Variants in TONSL observed in about 807,000 individuals in gnomAD.
TONSL encodes the protein tonsoku-like protein.
TONSL carries 112 observed loss-of-function variants against 147.1 expected under a neutral mutation model. The observed-to-expected ratio is 0.76, with a 90% CI of 0.65 to 0.89. The LOEUF (loss-of-function observed/expected upper bound fraction) is 0.89. TONSL is among the 40% of genes least tolerant of loss of function. TONSL has a pLI of 0.00. For synonymous variants in TONSL, 868 were observed against 801.5 expected, an observed-to-expected ratio of 1.08 and a Z score of -1.40; for missense variants, 1,883 against 1,864.6, an observed-to-expected ratio of 1.01 and a Z score of -0.18.
In TONSL at chr8:144,434,272, G is replaced by T; in HGVS notation, c.3093C>A (p.His1031Gln). ...GCTCCACGGCCTGCAGCACCTGTTG[G>T]TGCTCCCCTGCGGGAGGGATGTGAT... ...RACQSLGQGE[H>Q]QQVLQAVELQ... Residue 1031 changes from histidine (H) to glutamine (Q), a missense_variant, in exon 21 of 26, where the codon CAC becomes CAA. By Grantham distance (24) the His-to-Gln change is conservative. Coordinates refer to ENST00000409379, the MANE Select transcript of TONSL (RefSeq NM_013432.5). 2.0e-6 allele frequency: 3 copies of T among 1,508,328 alleles called. No individual in the cohort carries two copies. Among genetic ancestry groups the T allele is most frequent in the Non-Finnish European group, 2.7e-6 (3 of 1,128,200 alleles). 93.4% of individuals were successfully genotyped at this position (1,508,328 alleles called of 1,614,324 possible). A position where few individuals can be genotyped will look rare whatever the true frequency, so the allele number is the denominator to read the frequency against.
chr8:144,436,110 C>G lies in TONSL; in HGVS notation c.2323G>C (p.Gly775Arg), dbSNP rs1310343729. 1 of 1,556,584 alleles carries G rather than the reference C, an allele frequency of 6.4e-7. No homozygotes were observed. Among genetic ancestry groups the G allele is most frequent in the South Asian group, 1.1e-5 (1 of 87,038 alleles). ...GCTGCTTCCCTGTTGCTGGCGGGGC[C>G]AGGCGTCCAGGCTGCCACCCGTTGT... ...TAQRVAAWTP[G>R]PASNREAATA... The change falls in exon 17 of 26, where the codon GGC (glycine) becomes CGC (arginine). Residue 775 changes from glycine to arginine, a missense_variant. Gly to Arg is a moderately radical substitution (Grantham distance 125). Coordinates refer to ENST00000409379, the MANE Select transcript of TONSL (RefSeq NM_013432.5).
chr8:144,439,962 C>G, intron 11 of TONSL, 59 bp downstream of exon 11: 1 of 781,362 alleles, frequency 1.3e-6, no homozygotes, highest in Non-Finnish European at 2.3e-6. Context: ...CACAGCACAC[C>G]CCTCTCCAGC....
rs563008085 is a variant in TONSL at position 144,441,410 on chromosome 8, G to A, written c.866-299C>T. The A allele has an allele frequency of 9.6e-6, 3 of 311,508 alleles. No homozygotes were observed. The South Asian group carries it at 1.5e-4, about 15-fold the overall frequency. The allele number at this position is 311,508 out of a possible 1,614,324, so 19.3% of individuals were successfully genotyped here. Reference sequence around the variant, plus strand: ...GATCGAGACCATCCTGGCTAACATGGTGAAACCTCGTCTCTACTAAAAATA... The same window carrying A: ...GATCGAGACCATCCTGGCTAACATGATGAAACCTCGTCTCTACTAAAAATA... On this transcript the variant is annotated intron_variant, in intron 7 of 25. Coordinates refer to ENST00000409379, the MANE Select transcript of TONSL (RefSeq NM_013432.5).
intron 16 of TONSL, 32 bp from the exon 17 acceptor site, chr8:144,436,450 G>C (rs369810992): frequency 2.9e-5 from 44 of 1,531,786 alleles, no homozygotes; most frequent in Non-Finnish European, 3.8e-5. Flanking sequence ...TTGAGGCAGG[G>C]GCCCGGCACC....
intron 25 of TONSL, 47 bp from the exon 26 acceptor site, chr8:144,429,383 C>T (rs1255231278): frequency 3.0e-6 from 4 of 1,350,930 alleles, no homozygotes; most frequent in Non-Finnish European, 3.8e-6. Context: ...GGGCCGGCGG[C>T]GTCCTGGTGC....
At chr8:144,439,033 C>T (rs1823595958) in intron 11 of TONSL, among the ~76,000 whole-genome samples, 1 of 152,122 alleles carries the variant, frequency 6.6e-6, no homozygotes. Context: ...CTGCCCGAGG[C>T]CCCCTCTGTC....
rs1823570839 is a variant in TONSL, at chr8:144,438,642, A to C, written c.1563+11T>G. On this transcript the variant is annotated intron_variant, in intron 12 of 25. Coordinates refer to ENST00000409379, the MANE Select transcript of TONSL (RefSeq NM_013432.5). ...TGAGCGGGGTGGGTGGGGGCAGGGC[A>C]CTGTCCTCACCTTGCTCCCCTTCCG... The C allele has an allele frequency of 6.2e-7, 1 of 1,612,746 alleles. No individual in the cohort carries two copies.
Position 144,435,902 on chromosome 8 carries a change from C to T in TONSL, c.2531G>A (p.Arg844His), listed in dbSNP as rs200092098. ...DWLELDMPLT[R>H]SRRPRPRGTG... ...GCCCCGGGGGCGGGGCCGGCGGCTGCGGGTCAGGGGCATGTCCAGCTCCAG... is the reference window on the plus strand; with the variant it reads ...GCCCCGGGGGCGGGGCCGGCGGCTGTGGGTCAGGGGCATGTCCAGCTCCAG... The change falls in exon 17 of 26, where the codon CGC (arginine) becomes CAC (histidine). Residue 844 changes from arginine to histidine, a missense_variant. Transcript: ENST00000409379. 417 of 1,593,886 alleles carry T rather than the reference C, an allele frequency of 2.6e-4. 2 individuals carry two copies. In the African/African-American group the frequency reaches 4.9e-3, roughly 19 times the overall value.
rs61732278 is a variant in TONSL at position 144,436,164 on chromosome 8, G to C, written c.2269C>G (p.Gln757Glu). ...GTGGCCGAGCACCGAGGCCTCTTCT[G>C]GGACGGCCGTGCGGGGCCTGCGCTG... The part of the protein sequence containing the change: ...EDSAGPARPS[Q>E]KRPRCSATAQ... The change falls in exon 17 of 26, where the codon CAG becomes GAG. Residue 757 changes from glutamine to glutamate, a missense_variant. Gln to Glu is a conservative substitution (Grantham distance 29). Coordinates refer to ENST00000409379, the MANE Select transcript of TONSL (RefSeq NM_013432.5). 2,001 of 1,574,828 alleles carry C rather than the reference G, an allele frequency of 1.3e-3. 18 individuals are homozygous for C. In the African/African-American group the frequency reaches 0.019, roughly 15 times the overall value.
At chr8:144,442,559 G>T in intron 5 of TONSL, 118 bp downstream of exon 5, 3 of 1,495,734 alleles carry the variant, frequency 2.0e-6, no homozygotes, top group Non-Finnish European at 2.7e-6. Flanking sequence ...GTGAGAGGTG[G>T]GGGGATGAGG....
chr8:144,433,857 C>A, intron 21 of TONSL, 98 bp from the exon 22 acceptor site: 1 of 1,472,808 alleles, frequency 6.8e-7, no homozygotes, highest in Non-Finnish European at 9.0e-7. Flanking sequence ...CCTTGCCTGG[C>A]ATAGCCTATT....
chr8:144,431,458 G>A (rs1554878647), intron 23 of TONSL, among the ~76,000 whole-genome samples: 1 of 152,190 alleles, frequency 6.6e-6, no homozygotes. Context: ...TGGTGGGCAG[G>A]AATTCACAGC....
rs547971248 is a variant in TONSL, at chr8:144,434,580, T to C, written c.3085+231A>G. On this transcript the variant is annotated intron_variant, in intron 20 of 25. Coordinates refer to ENST00000409379, the MANE Select transcript of TONSL (RefSeq NM_013432.5). ...CAGGCCCTCCTCCTTGGGTTTGACT[T>C]TCCAGGCTTTCGGCTGCTTTTTGCC... Among the ~76,000 whole-genome samples, 4 of 152,300 alleles carry C rather than the reference T, an allele frequency of 2.6e-5. No individual in the cohort carries two copies. The East Asian group carries it at 7.7e-4, about 29-fold the overall frequency.
rs753177583 is a variant in TONSL, at chr8:144,436,211, C to G, written c.2222G>C (p.Ser741Thr). The change falls in exon 17 of 26, where the codon AGC becomes ACC. Residue 741 changes from serine to threonine, a missense_variant. Transcript: ENST00000409379. Reference sequence around the variant, plus strand: ...GCTGTCCTCGCCTTCTGAGCTGCTGCTGCTGCTGGCTGGCCCATGCCTGCT... The same window carrying G: ...GCTGTCCTCGCCTTCTGAGCTGCTGGTGCTGCTGGCTGGCCCATGCCTGCT... ...RRSRHGPASS[S>T]SSSEGEDSAG... is the part of the protein sequence containing the mutation. 12 of 1,565,272 alleles carry G rather than the reference C, an allele frequency of 7.7e-6. No individual in the cohort carries two copies. The Admixed American group carries it at 1.9e-4, about 25-fold the overall frequency.
Position 144,435,166 on chromosome 8 carries a change from C to T in TONSL, c.2857G>A (p.Asp953Asn). The part of the protein sequence containing the change: ...LFLIPVPHSS[D>N]THSVAWLAEQ... The stretch of plus-strand genomic sequence containing the variant: ...GCCAGCCAGGCCACAGAGTGGGTGT[C>T]ACTGCTGCAGGGACAGAGGCGCTGC... The change falls in exon 19 of 26, where the codon GAC (aspartate) becomes AAC (asparagine). Residue 953 changes from aspartate to asparagine, a missense_variant. Physicochemically the swap from Asp to Asn is conservative, Grantham distance 23. Transcript: ENST00000409379. The T allele has an allele frequency of 1.3e-6, 2 of 1,548,142 alleles. No homozygotes were observed. The highest frequency in any genetic ancestry group is 2.4e-5 in the South Asian group (2 of 84,246).
intron 13 of TONSL, among the ~76,000 whole-genome samples, chr8:144,438,063 C>T (rs1823547779): frequency 1.3e-5 from 2 of 152,156 alleles, no homozygotes; most frequent in South Asian, 2.1e-4. Flanking sequence ...CCATCACATC[C>T]ACCTAATTTT....
intron 11 of TONSL, 82 bp downstream of exon 11, chr8:144,439,939 G>A (rs1293627132): frequency 2.8e-6 from 2 of 710,536 alleles, no homozygotes; most frequent in African/African-American, 1.8e-5. Context: ...GCCCTAAGCA[G>A]GCTCCACAGC....
chr8:144,433,732 T>A lies in TONSL; in HGVS notation c.3415A>T (p.Asn1139Tyr), dbSNP rs782671784. Reference protein sequence around the residue: ...QSLEELDLSMNPLGDGCGQSL... With the variant: ...QSLEELDLSMYPLGDGCGQSL... ...TGGCCACAGCCGTCCCCCAGGGGGT[T>A]CATGCTTAAGTCCAGCTCCTCCAAA... The change falls in exon 22 of 26, where the codon AAC (asparagine) becomes TAC (tyrosine). Residue 1139 changes from asparagine (N) to tyrosine (Y), a missense_variant. Asn to Tyr is a moderately radical substitution (Grantham distance 143, BLOSUM62 -2). Coordinates refer to ENST00000409379, the MANE Select transcript of TONSL (RefSeq NM_013432.5). The A allele has an allele frequency of 1.9e-6, 3 of 1,597,992 alleles. No homozygotes were observed. The highest frequency in any genetic ancestry group is 2.6e-6 in the Non-Finnish European group (3 of 1,172,996).
chr8:144,444,107 GC>G (rs1823819984), intron 2 of TONSL, 72 bp downstream of exon 2: 3 of 1,302,970 alleles, frequency 2.3e-6, no homozygotes, highest in Non-Finnish European at 1.9e-6. Flanking sequence ...AGAGCCCGTC[GC>G]CCCCCGGCCC....
Sources: gnomAD v4.1 joint callset for allele counts (sites outside exome capture counted in the v4.1 genomes callset) on GRCh38, gnomAD v4.1.1 for gene constraint, MANE v1.5 for transcripts, NCBI Gene and HGNC (gene_info 2026-07-23, HGNC 2026-07-21) for gene names.